The following GRIA4 variants were observed in gnomAD, a reference collection of about 807,000 sequenced individuals.
The protein encoded by GRIA4 is glutamate receptor 4.
GRIA4 carries 34 observed loss-of-function variants against 104.0 expected under a neutral mutation model. The observed-to-expected ratio is 0.33, with a 90% CI of 0.25 to 0.44. GRIA4 has a LOEUF of 0.44. GRIA4 is among the 20% of genes least tolerant of loss of function. The pLI, the probability that GRIA4 is intolerant of heterozygous loss-of-function variation, is 1.00. For missense variants in GRIA4, 750 were observed against 1,096.5 expected (o/e 0.68, Z 4.46); for synonymous variants, 386 against 381.9 (o/e 1.01, Z -0.13).
At chr11:105,965,820 T>C (rs1166151740) in intron 14 of GRIA4, 2 of 717,182 alleles carry the variant, frequency 2.8e-6, no homozygotes, top group African/African-American at 1.8e-5. Flanking sequence ...AGGAAGGGGC[T>C]GCAGGATGGT....
chr11:105,957,781 T>C (rs567540902), intron 14 of GRIA4, among the ~76,000 whole-genome samples: 10 of 152,342 alleles, frequency 6.6e-5, no homozygotes, highest in African/African-American at 2.4e-4. Flanking sequence ...TCCTCTTTTA[T>C]TTCATTGAGC....
intron 3 of GRIA4, among the ~76,000 whole-genome samples, chr11:105,660,944 A>G (rs1951989109): frequency 6.6e-6 from 1 of 151,658 alleles, no homozygotes; most frequent in Non-Finnish European, 1.5e-5. Flanking sequence ...GAAGGTAAAG[A>G]AGACCTAGCT....
intron 4 of GRIA4, among the ~76,000 whole-genome samples, chr11:105,773,554 C>T (rs1941312725): frequency 6.6e-6 from 1 of 152,082 alleles, no homozygotes; most frequent in African/African-American, 2.4e-5. Flanking sequence ...CTCCAGCACG[C>T]TGGGCTCTAC....
intron 11 of GRIA4, among the ~76,000 whole-genome samples, chr11:105,921,306 G>GGTGTGTGTGTGTGTGT (rs5794436): frequency 1.4e-5 from 2 of 138,850 alleles, no homozygotes; most frequent in African/African-American, 5.4e-5. Flanking sequence ...ACCACACTTG[G>GGTGTGTGTGTGTGTGT]GTGTGTGTGT....
intron 4 of GRIA4, among the ~76,000 whole-genome samples, chr11:105,837,340 T>G (rs1168599236): frequency 6.6e-6 from 1 of 152,144 alleles, no homozygotes; most frequent in Non-Finnish European, 1.5e-5. Flanking sequence ...TTAGTGAGAA[T>G]GTACCCACTA....
chr11:105,804,142 T>C (rs752366046), intron 4 of GRIA4, among the ~76,000 whole-genome samples: 6 of 151,948 alleles, frequency 3.9e-5, no homozygotes, highest in Non-Finnish European at 8.8e-5. Flanking sequence ...CTCATTTATA[T>C]TACAAACAGA....
At chr11:105,876,855 G>A (rs2136068002) in intron 5 of GRIA4, among the ~76,000 whole-genome samples, 1 of 152,228 alleles carries the variant, frequency 6.6e-6, no homozygotes, top group East Asian at 1.9e-4. Flanking sequence ...GATGGGTCTT[G>A]ACCCTTTATC....
At chr11:105,967,990 T>C (rs796880885) in intron 14 of GRIA4, among the ~76,000 whole-genome samples, 1 of 152,312 alleles carries the variant, frequency 6.6e-6, no homozygotes, top group African/African-American at 2.4e-5. Context: ...GGAGAAAAAG[T>C]CCTGAAGTGA....
At chr11:105,709,090 T>C (rs552401887) in intron 3 of GRIA4, among the ~76,000 whole-genome samples, 2 of 152,048 alleles carry the variant, frequency 1.3e-5, no homozygotes, top group South Asian at 4.1e-4. Flanking sequence ...TAAAGGACAA[T>C]CTTGTGGTGT....
chr11:105,661,975 C>A (rs1952024123), intron 3 of GRIA4, among the ~76,000 whole-genome samples: 1 of 147,644 alleles, frequency 6.8e-6, no homozygotes, highest in South Asian at 2.2e-4. Context: ...ATTAATAAGA[C>A]CTTCAATGAA....
rs1187960457 is a variant in GRIA4 at position 105,657,562 on chromosome 11, G to A, written c.247+45128G>A. Among the ~76,000 whole-genome samples the A allele has an allele frequency of 4.0e-5, 6 of 151,878 alleles. No individual in the cohort carries two copies. In the East Asian group the frequency reaches 9.7e-4, roughly 24 times the overall value. On this transcript the variant is annotated intron_variant, in intron 3 of 16. Coordinates refer to ENST00000282499, the MANE Select transcript of GRIA4 (RefSeq NM_000829.4). ...AACTGCTAACCTTAATGTCATAAAT[G>A]ATCACAAAAGCTGGAGAATAGATGC...
At chr11:105,770,495 G>A (rs921201598) in intron 4 of GRIA4, among the ~76,000 whole-genome samples, 6 of 151,884 alleles carry the variant, frequency 4.0e-5, no homozygotes, top group African/African-American at 1.2e-4. Context: ...CAAAATAAAC[G>A]CAAAATTTAT....
chr11:105,755,352 T>C (rs1456003834), intron 4 of GRIA4, among the ~76,000 whole-genome samples: 1 of 152,072 alleles, frequency 6.6e-6, no homozygotes, highest in African/African-American at 2.4e-5. Context: ...CTAAAATAAG[T>C]CTCTATAAAT....
chr11:105,679,246 C>T (rs1300108266), intron 3 of GRIA4, among the ~76,000 whole-genome samples: 5 of 152,088 alleles, frequency 3.3e-5, no homozygotes, highest in Admixed American at 3.3e-4. Flanking sequence ...GAACCAACCA[C>T]GTTATGGAGG....
intron 11 of GRIA4, among the ~76,000 whole-genome samples, chr11:105,921,817 GACT>G (rs1947573400): frequency 6.6e-6 from 1 of 152,048 alleles, no homozygotes; most frequent in Non-Finnish European, 1.5e-5. Context: ...ACAGGAGGAT[GACT>G]ACTTGGAGAA....
intron 4 of GRIA4, among the ~76,000 whole-genome samples, chr11:105,846,709 A>G (rs1010012143): frequency 1.3e-5 from 2 of 152,304 alleles, no homozygotes; most frequent in East Asian, 3.9e-4. Flanking sequence ...CACAAAAAAT[A>G]TTTAGTATAC....
At position 105,980,437 on chromosome 11, in the gene GRIA4, G is replaced by C. The variant is rs1859212965; in HGVS notation, c.*698G>C. Reference sequence around the variant, plus strand: ...AATGCCATCACTGTAATAAACTTTAGAGACTTTTTTTTATAAAAGTTGTTG... The same window carrying C: ...AATGCCATCACTGTAATAAACTTTACAGACTTTTTTTTATAAAAGTTGTTG... On this transcript the variant is annotated 3_prime_UTR_variant, in exon 17 of 17. Coordinates refer to ENST00000282499, the MANE Select transcript of GRIA4 (RefSeq NM_000829.4). 2 of 152,556 alleles carry C rather than the reference G, an allele frequency of 1.3e-5. No homozygotes were observed. The highest frequency in any genetic ancestry group is 1.3e-4 in the Admixed American group (2 of 15,276). The allele number at this position is 152,556 out of a possible 1,614,324, so 9.5% of individuals were successfully genotyped here.
At chr11:105,929,541 T>G (rs972915390) in intron 13 of GRIA4, among the ~76,000 whole-genome samples, 1 of 152,168 alleles carries the variant, frequency 6.6e-6, no homozygotes, top group Non-Finnish European at 1.5e-5. Flanking sequence ...TTTCACATTA[T>G]CACACACCTG....
chr11:105,941,778 C>G (rs1468393309), intron 14 of GRIA4, among the ~76,000 whole-genome samples: 1 of 152,090 alleles, frequency 6.6e-6, no homozygotes, highest in Non-Finnish European at 1.5e-5. Flanking sequence ...TGTTGCTTCA[C>G]TACACAGAGG....
Sources: allele counts gnomAD v4.1 joint callset (sites outside exome capture counted in the v4.1 genomes callset), GRCh38; gene constraint gnomAD v4.1.1; transcripts MANE v1.5; gene names NCBI Gene and HGNC (gene_info 2026-07-23, HGNC 2026-07-21).